Variants in LASP1 observed in about 807,000 individuals in gnomAD.
LASP1 encodes LIM and SH3 protein 1.
LASP1 carries 10 observed loss-of-function variants against 38.6 expected under a neutral mutation model. That is an observed-to-expected ratio of 0.26 (90% CI 0.16 to 0.44). LASP1 has a LOEUF of 0.44. Ranked by LOEUF, LASP1 falls within the 20% of genes least tolerant of loss-of-function variation. LASP1 has a pLI of 1.00. For missense variants in LASP1, 243 were observed against 375.7 expected, an observed-to-expected ratio of 0.65 and a Z score of 2.92; for synonymous variants, 132 against 140.8, an observed-to-expected ratio of 0.94 and a Z score of 0.44.
At position 38,914,194 on chromosome 17, in the gene LASP1, C is replaced by G. The variant is rs1915040277; in HGVS notation, c.358-131C>G. The G allele has an allele frequency of 8.2e-6, 9 of 1,093,392 alleles. No individual in the cohort carries two copies. The South Asian group carries it at 1.2e-4, about 15-fold the overall frequency. 67.7% of individuals were successfully genotyped at this position (1,093,392 alleles called of 1,614,324 possible). On this transcript the variant is annotated intron_variant, in intron 4 of 6. Coordinates refer to ENST00000318008, the MANE Select transcript of LASP1 (RefSeq NM_006148.4). ...TCCAAGGACACACAGCTGGTGCTTC[C>G]AGAGCGAGACCTGGCTTTCTGTACC...
chr17:38,897,239 G>T (rs911275710), intron 3 of LASP1, among the ~76,000 whole-genome samples: 5 of 152,256 alleles, frequency 3.3e-5, no homozygotes, highest in African/African-American at 1.2e-4. Context: ...CAAGGACTCT[G>T]ACCCCCACAG....
intron 2 of LASP1, among the ~76,000 whole-genome samples, chr17:38,878,700 G>T (rs1913854068): frequency 6.6e-6 from 1 of 152,098 alleles, no homozygotes. Flanking sequence ...GTTCCTTCAA[G>T]AAAACTCTCT....
chr17:38,889,394 T>G (rs554357770), intron 2 of LASP1, among the ~76,000 whole-genome samples: 1 of 152,282 alleles, frequency 6.6e-6, no homozygotes, highest in South Asian at 2.1e-4. Context: ...CCTCCCAAAG[T>G]GCTGGGATTA....
chr17:38,905,321 G>T (rs1914745575), intron 4 of LASP1, among the ~76,000 whole-genome samples: 1 of 152,054 alleles, frequency 6.6e-6, no homozygotes, highest in African/African-American at 2.4e-5. Flanking sequence ...GAGGTCAAGA[G>T]ATCAAGACCA....
At chr17:38,908,289 A>G (rs1914827509) in intron 4 of LASP1, among the ~76,000 whole-genome samples, 1 of 152,192 alleles carries the variant, frequency 6.6e-6, no homozygotes, top group Admixed American at 6.5e-5. Context: ...AGCAGAAAGG[A>G]AACAAGGGAA....
chr17:38,910,036 C>T (rs950271629), intron 4 of LASP1, among the ~76,000 whole-genome samples: 5 of 152,204 alleles, frequency 3.3e-5, no homozygotes, highest in African/African-American at 9.7e-5. Context: ...GTGTGAGCCA[C>T]CGCACCTGGC....
rs1323175236 is a variant in LASP1, at chr17:38,920,179, AGCGGTG to A, written c.*1403_*1408del. On this transcript the variant is annotated 3_prime_UTR_variant, in exon 7 of 7. Transcript: ENST00000318008. ...TAGGGTCTGCAGCCTGCTGGGGCTAAGCGGTGGAGGAAGGCTCTGTCACTCCAGGCA... is the reference window on the plus strand; with the variant it reads ...TAGGGTCTGCAGCCTGCTGGGGCTAAGAGGAAGGCTCTGTCACTCCAGGCA... The A allele has an allele frequency of 7.7e-6, 4 of 522,826 alleles. No individual in the cohort carries two copies. Among genetic ancestry groups the A allele is most frequent in the African/African-American group, 7.5e-5 (4 of 53,586 alleles). The allele number at this position is 522,826 out of a possible 1,614,324, so 32.4% of individuals were successfully genotyped here. A position where few individuals can be genotyped will look rare whatever the true frequency, so the allele number is the denominator to read the frequency against.
intron 2 of LASP1, among the ~76,000 whole-genome samples, chr17:38,883,332 A>G (rs193261468): frequency 2.1e-3 from 313 of 152,210 alleles, no homozygotes; most frequent in African/African-American, 7.4e-3. Context: ...GTGAGCCCTG[A>G]TTGCACCACA....
intron 4 of LASP1, among the ~76,000 whole-genome samples, chr17:38,902,654 A>G (rs1270692292): frequency 6.6e-6 from 1 of 152,108 alleles, no homozygotes; most frequent in Non-Finnish European, 1.5e-5. Flanking sequence ...TTTGCTTCCC[A>G]GATTAGCACC....
chr17:38,873,046 T>A (rs1445592790), intron 1 of LASP1, among the ~76,000 whole-genome samples: 1 of 152,212 alleles, frequency 6.6e-6, no homozygotes, highest in African/African-American at 2.4e-5. Flanking sequence ...ATTGAGCACC[T>A]ACTTTGTGCA....
chr17:38,896,890 A>G, intron 3 of LASP1: 2 of 984,398 alleles, frequency 2.0e-6, no homozygotes, highest in African/African-American at 1.7e-5. Context: ...TTCTGTCACA[A>G]CTCTTTTACA....
At chr17:38,901,033 G>A (rs1914627768) in intron 4 of LASP1, among the ~76,000 whole-genome samples, 1 of 152,260 alleles carries the variant, frequency 6.6e-6, no homozygotes, top group South Asian at 2.1e-4. Flanking sequence ...GAACTGGAAT[G>A]TCGGCTCTTC....
At chr17:38,913,682 GC>G (rs1915021401) in intron 4 of LASP1, among the ~76,000 whole-genome samples, 2 of 152,160 alleles carry the variant, frequency 1.3e-5, no homozygotes, top group Non-Finnish European at 2.9e-5. Context: ...AAACAGAGCA[GC>G]CCCGCCCCTG....
chr17:38,908,515 T>G (rs1435913972), intron 4 of LASP1, among the ~76,000 whole-genome samples: 2 of 152,290 alleles, frequency 1.3e-5, no homozygotes, highest in East Asian at 3.9e-4. Flanking sequence ...CTGGGGTCGG[T>G]TGGATTTTCA....
At chr17:38,880,521 C>G (rs1299127102) in intron 2 of LASP1, among the ~76,000 whole-genome samples, 1 of 152,244 alleles carries the variant, frequency 6.6e-6, no homozygotes, top group African/African-American at 2.4e-5. Context: ...CTCCATGTTT[C>G]CTCCAGCTTT....
In LASP1 at chr17:38,870,095, G is replaced by C; in HGVS notation, c.-95G>C. On this transcript the variant is annotated 5_prime_UTR_variant, in exon 1 of 7. Coordinates refer to ENST00000318008, the MANE Select transcript of LASP1 (RefSeq NM_006148.4). ...GCTCCAGCCGCCGTCGCTGCTGCCT[G>C]TGTAGTTGCAGCCGCGGCCGCCTCC... 7.4e-7 allele frequency: 1 copy of C among 1,352,180 alleles called. No homozygotes were observed. The highest frequency in any genetic ancestry group is 1.0e-6 in the Non-Finnish European group (1 of 958,786). 83.8% of individuals were successfully genotyped at this position (1,352,180 alleles called of 1,614,324 possible).
chr17:38,915,155 C>T lies in LASP1; in HGVS notation c.612+9C>T, dbSNP rs1355410670. ...CCCCAGGTGGTGGCGGGGTGAGTAA[C>T]CCTGGCCGGAGGGGAGAGGCCAGAG... On this transcript the variant is annotated intron_variant, in intron 6 of 6. Coordinates refer to ENST00000318008, the MANE Select transcript of LASP1 (RefSeq NM_006148.4). The T allele has an allele frequency of 1.9e-6, 3 of 1,612,456 alleles. No individual in the cohort carries two copies. The highest frequency in any genetic ancestry group is 1.3e-5 in the African/African-American group (1 of 74,998).
At chr17:38,880,016 C>T (rs1207578194) in intron 2 of LASP1, among the ~76,000 whole-genome samples, 1 of 152,190 alleles carries the variant, frequency 6.6e-6, no homozygotes, top group East Asian at 1.9e-4. Context: ...CTACCAACCC[C>T]TCCCACCCCC....
chr17:38,891,596 T>G (rs1426413208), intron 3 of LASP1, among the ~76,000 whole-genome samples: 1 of 152,082 alleles, frequency 6.6e-6, no homozygotes, highest in African/African-American at 2.4e-5. Context: ...CAGCTGACGA[T>G]GGAGGGCTCA....
Sources: allele counts gnomAD v4.1 joint callset (sites outside exome capture counted in the v4.1 genomes callset), GRCh38; gene constraint gnomAD v4.1.1; transcripts MANE v1.5; gene names NCBI Gene and HGNC (gene_info 2026-07-23, HGNC 2026-07-21).